Variants in RPL18A observed in about 807,000 individuals in gnomAD.
RPL18A encodes the protein ribosomal protein L18a.
For synonymous variants in RPL18A, 122 were observed against 96.9 expected, an observed-to-expected ratio of 1.26 and a Z score of -1.52; for missense variants, 163 against 254.1, an observed-to-expected ratio of 0.64 and a Z score of 2.44.
intron 1 of RPL18A, 168 bp downstream of exon 1, chr19:17,860,142 C>T (rs2094274485): frequency 5.1e-6 from 3 of 590,150 alleles, no homozygotes; most frequent in African/African-American, 2.0e-5. Flanking sequence ...ATCGTGGGAG[C>T]CGCGTGGAGA....
At chr19:17,861,084 G>C (rs1374163846) in intron 1 of RPL18A, 4 of 583,566 alleles carry the variant, frequency 6.9e-6, no homozygotes, top group Non-Finnish European at 1.2e-5. Context: ...AATCCTCCCT[G>C]GAGACCTCCC....
At chr19:17,862,457 G>A (rs779475738) in intron 3 of RPL18A, 2 of 673,372 alleles carry the variant, frequency 3.0e-6, no homozygotes, top group Non-Finnish European at 2.7e-6. Context: ...ACCTTGTTTA[G>A]ACTGGGATCC....
rs73518688 is a variant in RPL18A, at chr19:17,860,367, A to G, written c.18+393A>G. The G allele has an allele frequency of 8.6e-3, 2,184 of 253,692 alleles. 46 individuals carry two copies. The highest frequency in any genetic ancestry group is 0.046 in the African/African-American group (2,024 of 43,840). 15.7% of individuals were successfully genotyped at this position (253,692 alleles called of 1,614,324 possible). A position where few individuals can be genotyped will look rare whatever the true frequency, so the allele number is the denominator to read the frequency against. On this transcript the variant is annotated intron_variant, in intron 1 of 4. Coordinates refer to ENST00000222247, the MANE Select transcript of RPL18A (RefSeq NM_000980.4). ...CCGGAATGGCTGTGAGAAGCAGATG[A>G]AAATTGCTAACAGTGAGCCGAAACG...
At chr19:17,862,837 C>A in intron 3 of RPL18A, 81 bp from the exon 4 acceptor site, 1 of 925,568 alleles carries the variant, frequency 1.1e-6, no homozygotes, top group Non-Finnish European at 1.8e-6. Flanking sequence ...TGTGTCAGGT[C>A]ATTGGGCAGG....
At chr19:17,862,743 A>G (rs1599896932) in intron 3 of RPL18A, 175 bp from the exon 4 acceptor site, 1 of 762,912 alleles carries the variant, frequency 1.3e-6, no homozygotes, top group Non-Finnish European at 2.4e-6. Context: ...GACTGCAGGG[A>G]CCCAGGCCTT....
Position 17,863,213 on chromosome 19 carries a change from C to T in RPL18A, c.481C>T (p.Arg161Cys), listed in dbSNP as rs779889747. 10 of 1,611,698 alleles carry T rather than the reference C, an allele frequency of 6.2e-6. 1 individual carries two copies. The highest frequency in any genetic ancestry group is 4.2e-4 in the Middle Eastern group (2 of 4,740). Reference protein sequence around the residue: ...KFPLPHRVLRRQHKPRFTTKR... With the variant: ...KFPLPHRVLRCQHKPRFTTKR... Reference sequence around the variant, plus strand: ...CCCGCTGCCCCACCGGGTCCTGCGCCGTCAGCACAAGCCACGCTTCACCAC... The same window carrying T: ...CCCGCTGCCCCACCGGGTCCTGCGCTGTCAGCACAAGCCACGCTTCACCAC... The change falls in exon 5 of 5, where the codon CGT (arginine) becomes TGT (cysteine). Residue 161 changes from arginine to cysteine, a missense_variant. Transcript: ENST00000222247.
Position 17,861,302 on chromosome 19 carries a change from T to C in RPL18A, c.28T>C (p.Tyr10His), listed in dbSNP as rs749859924. ...TCCTGTTTCCTTTCAGCTACGAGAG[T>C]ACAAGGTAGTGGGTCGCTGCCTGCC... Reference protein sequence around the residue: MKASGTLREYKVVGRCLPTP... With the variant: MKASGTLREHKVVGRCLPTP... The change falls in exon 2 of 5, where the codon TAC becomes CAC. Residue 10 changes from tyrosine (Y) to histidine (H), a missense_variant. By Grantham distance (83) the Tyr-to-His change is moderately conservative. Coordinates refer to ENST00000222247, the MANE Select transcript of RPL18A (RefSeq NM_000980.4). 2.5e-6 allele frequency: 4 copies of C among 1,613,708 alleles called. No individual in the cohort carries two copies. Among genetic ancestry groups the C allele is most frequent in the Non-Finnish European group, 3.4e-6 (4 of 1,179,808 alleles).
intron 2 of RPL18A, 144 bp downstream of exon 2, chr19:17,861,616 G>A: frequency 1.5e-6 from 1 of 675,724 alleles, no homozygotes; most frequent in African/African-American, 1.8e-5. Context: ...AGAGCCCCGG[G>A]TTGTGTTTCT....
chr19:17,861,102 A>C, intron 1 of RPL18A, 191 bp from the exon 2 acceptor site: 1 of 593,074 alleles, frequency 1.7e-6, no homozygotes, highest in South Asian at 2.0e-5. Context: ...CCCTCTCCTC[A>C]GTTCATTTTG....
chr19:17,862,065 C>T, intron 2 of RPL18A, 29 bp from the exon 3 acceptor site: 6 of 1,609,022 alleles, frequency 3.7e-6, no homozygotes, highest in East Asian at 2.2e-5. Context: ...TTGCTGCTCT[C>T]ACATCTCCCT....
At position 17,863,037 on chromosome 19, in the gene RPL18A, C is replaced by T. The variant is rs1568414439; in HGVS notation, c.438+10C>T. ...TGTCAAGCAGTTCCACGTGAGTGCC[C>T]TGGGGGACTCCCCTGGAGGGAAGTG... On this transcript the variant is annotated intron_variant, in intron 4 of 4. Transcript: ENST00000222247. 1 of 1,604,362 alleles carries T rather than the reference C, an allele frequency of 6.2e-7. No homozygotes were observed. The highest frequency in any genetic ancestry group is 1.1e-5 in the South Asian group (1 of 90,792).
In RPL18A at chr19:17,862,085, C is replaced by G. The variant is rs759006956; in HGVS notation, c.199-9C>G. On this transcript the variant is annotated splice_polypyrimidine_tract_variant and intron_variant, in intron 2 of 4. Coordinates refer to ENST00000222247, the MANE Select transcript of RPL18A (RefSeq NM_000980.4). ...GCTCTCACATCTCCCTGTGGCCTCT[C>G]CTTGGCAGGTGTTTGAGAAGTCCCC... 1.2e-6 allele frequency: 2 copies of G among 1,610,324 alleles called. No individual in the cohort carries two copies. The highest frequency in any genetic ancestry group is 8.5e-7 in the Non-Finnish European group (1 of 1,179,086).
chr19:17,860,065 G>C, intron 1 of RPL18A, 91 bp downstream of exon 1: 1 of 1,227,732 alleles, frequency 8.1e-7, no homozygotes, highest in Admixed American at 3.7e-5. Context: ...GGTTGGTGCC[G>C]CGCGCTTCTG....
intron 1 of RPL18A, chr19:17,860,217 C>A (rs193227634): frequency 8.0e-6 from 4 of 502,548 alleles, no homozygotes; most frequent in Non-Finnish European, 1.0e-5. Flanking sequence ...GTCTTCTTCC[C>A]GGGGGAAGGA....
intron 3 of RPL18A, 183 bp from the exon 4 acceptor site, chr19:17,862,735 C>T: frequency 3.9e-6 from 3 of 763,434 alleles, no homozygotes; most frequent in Non-Finnish European, 7.2e-6. Context: ...TGGCCAGTGA[C>T]TGCAGGGACC....
Position 17,862,920 on chromosome 19 carries a change from C to G in RPL18A, c.331C>G (p.Arg111Gly), listed in dbSNP as rs769005268. The change falls in exon 4 of 5, where the codon CGA (arginine) becomes GGA (glycine). Residue 111 changes from arginine (R) to glycine (G), a missense_variant and splice_region_variant. Coordinates refer to ENST00000222247, the MANE Select transcript of RPL18A (RefSeq NM_000980.4). ...CCTGGCCCCGCTCCTTTCCACAGAC[C>G]GAGACATGGGTGCCCGGCACCGCGC... is the stretch of plus-strand genomic sequence containing the variant. ...TTAGAVTQCYRDMGARHRARA... is the reference protein window; with the variant it reads ...TTAGAVTQCYGDMGARHRARA... 5.0e-6 allele frequency: 8 copies of G among 1,609,646 alleles called. No homozygotes were observed. In the Admixed American group the frequency reaches 1.0e-4, roughly 20 times the overall value.
At chr19:17,861,697 CG>C in intron 2 of RPL18A, 1 of 570,248 alleles carries the variant, frequency 1.8e-6, no homozygotes, top group Non-Finnish European at 3.1e-6. Flanking sequence ...ACCCAGGGAG[CG>C]GGTGGGTGGC....
chr19:17,861,780 C>G, intron 2 of RPL18A: 1 of 542,214 alleles, frequency 1.8e-6, no homozygotes, highest in Non-Finnish European at 3.3e-6. Flanking sequence ...TGATGGCTAT[C>G]TGGTCAGTGG....
At position 17,862,326 on chromosome 19, in the gene RPL18A, CT is replaced by C. The variant is rs937499320; in HGVS notation, c.328+104del. 3.6e-6 allele frequency: 5 copies of C among 1,404,164 alleles called. No individual in the cohort carries two copies. The African/African-American group carries it at 7.1e-5, about 20-fold the overall frequency. The allele number at this position is 1,404,164 out of a possible 1,614,324, so 87.0% of individuals were successfully genotyped here. On this transcript the variant is annotated intron_variant, in intron 3 of 4. Transcript: ENST00000222247. ...TTCCCAGTGCAGGAGAGTCTCAGGA[CT>C]GGTGGCGGGGCACAGGAAGACAAAA...
Sources: gnomAD v4.1 joint callset for allele counts on GRCh38, gnomAD v4.1.1 for gene constraint, MANE v1.5 for transcripts, NCBI Gene and HGNC (gene_info 2026-07-23, HGNC 2026-07-21) for gene names.